The following ELSPBP1 variants were observed in gnomAD, a reference collection of about 807,000 sequenced individuals.
ELSPBP1 encodes epididymal sperm binding protein 1.
ELSPBP1 carries 38 observed loss-of-function variants against 33.3 expected under a neutral mutation model. The ratio of observed to expected loss-of-function variants is 1.14; its 90% confidence interval spans 0.88 to 1.50. The LOEUF is 1.50. Ranked by LOEUF, ELSPBP1 falls within the 40% of genes most tolerant of loss-of-function variation. The pLI, the probability that ELSPBP1 is intolerant of heterozygous loss-of-function variation, is 0.00. For missense variants in ELSPBP1, 267 were observed against 263.5 expected (o/e 1.01, Z -0.09); for synonymous variants, 85 against 94.1 (o/e 0.90, Z 0.56).
chr19:48,005,408 C>T (rs1023335444), intron 1 of ELSPBP1, among the ~76,000 whole-genome samples: 1 of 151,944 alleles, frequency 6.6e-6, no homozygotes, highest in Non-Finnish European at 1.5e-5. Context: ...GAAAGTAGAA[C>T]CAACTGACTG....
intron 2 of ELSPBP1, among the ~76,000 whole-genome samples, chr19:48,010,271 A>AATG (rs1967063537): frequency 6.6e-6 from 1 of 152,230 alleles, no homozygotes; most frequent in Admixed American, 6.5e-5. Context: ...GACAAGGAAC[A>AATG]ATGTACTTGA....
At chr19:48,004,951 T>G (rs28458992) in intron 1 of ELSPBP1, among the ~76,000 whole-genome samples, 20,015 of 152,210 alleles carry the variant, frequency 0.13, 1,512 homozygotes, top group Middle Eastern at 0.2. Flanking sequence ...GTAATCCCAG[T>G]GCTTAGGAGG....
chr19:48,003,058 C>T (rs1242941065), intron 1 of ELSPBP1, among the ~76,000 whole-genome samples: 1 of 152,136 alleles, frequency 6.6e-6, no homozygotes, highest in Non-Finnish European at 1.5e-5. Context: ...CCCAACCACC[C>T]CGGGGCTCAG....
At chr19:48,013,934 G>T (rs1462782477) in intron 2 of ELSPBP1, among the ~76,000 whole-genome samples, 1 of 151,914 alleles carries the variant, frequency 6.6e-6, no homozygotes, top group Non-Finnish European at 1.5e-5. Flanking sequence ...AGCTCTCTGG[G>T]GTCTCTTATA....
intron 1 of ELSPBP1, among the ~76,000 whole-genome samples, chr19:48,001,202 C>T (rs757628327): frequency 2.7e-5 from 4 of 150,172 alleles, no homozygotes; most frequent in African/African-American, 4.9e-5. Flanking sequence ...CACAGAGTCT[C>T]GCTCTGTTGA....
At chr19:48,015,108 C>G (rs1967117665) in intron 3 of ELSPBP1, among the ~76,000 whole-genome samples, 1 of 151,934 alleles carries the variant, frequency 6.6e-6, no homozygotes. Flanking sequence ...GTATTATATA[C>G]CGTATCTCAT....
intron 1 of ELSPBP1, among the ~76,000 whole-genome samples, chr19:48,004,142 C>T (rs888444336): frequency 6.6e-6 from 1 of 151,828 alleles, no homozygotes; most frequent in East Asian, 1.9e-4. Context: ...TGAGGTTTTA[C>T]CATGTTGACC....
intron 6 of ELSPBP1, among the ~76,000 whole-genome samples, chr19:48,022,674 CA>C (rs1056533157): frequency 7.9e-5 from 12 of 152,226 alleles, no homozygotes; most frequent in African/African-American, 2.6e-4. Context: ...TTCCAAGTTT[CA>C]AGTCTGGGAG....
At chr19:48,003,360 AG>A (rs1966985340) in intron 1 of ELSPBP1, among the ~76,000 whole-genome samples, 1 of 152,122 alleles carries the variant, frequency 6.6e-6, no homozygotes, top group Admixed American at 6.6e-5. Context: ...GGATCATCCC[AG>A]GCAAAGAGAA....
intron 1 of ELSPBP1, among the ~76,000 whole-genome samples, chr19:48,001,359 TTG>T (rs1244057010): frequency 2.0e-5 from 3 of 151,160 alleles, no homozygotes; most frequent in Admixed American, 6.6e-5. Flanking sequence ...TTTTTTTTTT[TTG>T]TAGTAGAGAC....
chr19:48,013,241 T>C (rs1466068318), intron 2 of ELSPBP1, among the ~76,000 whole-genome samples: 1 of 152,194 alleles, frequency 6.6e-6, no homozygotes, highest in African/African-American at 2.4e-5. Context: ...TGAGAAACAG[T>C]GGTCTCAAGG....
At chr19:47,999,822 ATTT>A (rs112563506) in intron 1 of ELSPBP1, among the ~76,000 whole-genome samples, 12 of 137,298 alleles carry the variant, frequency 8.7e-5, no homozygotes, top group African/African-American at 2.7e-4. Context: ...CACATACGTG[ATTT>A]TTTTTTTTTT....
rs575663526 is a variant in ELSPBP1, at chr19:48,023,934, A to G, written c.*8-1018A>G. Among the ~76,000 whole-genome samples, 10 of 150,958 alleles carry G rather than the reference A, an allele frequency of 6.6e-5. No individual in the cohort carries two copies. The East Asian group carries it at 1.9e-3, about 29-fold the overall frequency. ...CGCCCAGGCTGGAGTGCAGTGGTGCAATCTCAGCTCACTGCAGCCTCTGCC... is the reference window on the plus strand; with the variant it reads ...CGCCCAGGCTGGAGTGCAGTGGTGCGATCTCAGCTCACTGCAGCCTCTGCC... On this transcript the variant is annotated intron_variant, in intron 6 of 6. Transcript: ENST00000339841.
rs1389427077 is a variant in ELSPBP1 at position 48,019,849 on chromosome 19, T to C, written c.486T>C (p.Asp162=). ...CAACCACAGAGAACATGGATAAGGA[T>C]GGAAAGTGGAGTTTCTGTGCCGACA... ...WCPTTENMDK[D]GKWSFCADTR... Residue 162 remains aspartate, a synonymous_variant, in exon 5 of 7, where the codon GAT becomes GAC. Transcript: ENST00000339841. 1 of 1,611,700 alleles carries C rather than the reference T, an allele frequency of 6.2e-7. No homozygotes were observed. Among genetic ancestry groups the C allele is most frequent in the Non-Finnish European group, 8.5e-7 (1 of 1,179,024 alleles).
chr19:48,008,894 G>A (rs1046747240), intron 2 of ELSPBP1, among the ~76,000 whole-genome samples, 157 bp downstream of exon 2: 3 of 152,252 alleles, frequency 2.0e-5, no homozygotes, highest in African/African-American at 7.2e-5. Flanking sequence ...CCAGCACTTT[G>A]CAGGGCTGAG....
intron 6 of ELSPBP1, among the ~76,000 whole-genome samples, chr19:48,023,109 AAG>A (rs542226462): frequency 1.0e-3 from 152 of 146,980 alleles, no homozygotes; most frequent in Non-Finnish European, 2.0e-3. Context: ...GAAGGAAGGA[AAG>A]AGAGAGGGAG....
chr19:48,017,937 C>T (rs1403408168), intron 4 of ELSPBP1, among the ~76,000 whole-genome samples: 1 of 146,890 alleles, frequency 6.8e-6, no homozygotes, highest in Non-Finnish European at 1.5e-5. Flanking sequence ...AAAGAAACAT[C>T]ACTTTTGTGG....
intron 1 of ELSPBP1, among the ~76,000 whole-genome samples, chr19:47,998,497 T>C (rs1488238201): frequency 6.6e-6 from 1 of 151,318 alleles, no homozygotes; most frequent in Non-Finnish European, 1.5e-5. Flanking sequence ...AGAGACAAAA[T>C]GGCAGAGTCC....
intron 6 of ELSPBP1, among the ~76,000 whole-genome samples, chr19:48,023,586 A>AAGGAAGGAAGGGAGGGAGGG (rs1967237102): frequency 8.6e-6 from 1 of 116,372 alleles, no homozygotes; most frequent in South Asian, 3.4e-4. Context: ...GGGAGGGAGG[A>AAGGAAGGAAGGGAGGGAGGG]AGGAAGGAAG....
Sources: gnomAD v4.1 joint callset for allele counts (sites outside exome capture counted in the v4.1 genomes callset) on GRCh38, gnomAD v4.1.1 for gene constraint, MANE v1.5 for transcripts, NCBI Gene and HGNC (gene_info 2026-07-23, HGNC 2026-07-21) for gene names.